Variants in CNOT10 observed in about 807,000 individuals in gnomAD.
CNOT10 encodes the protein CCR4-NOT transcription complex, subunit 10.
CNOT10 carries 30 observed loss-of-function variants against 94.6 expected under a neutral mutation model. The ratio of observed to expected loss-of-function variants is 0.32; its 90% CI spans 0.24 to 0.43. The LOEUF (loss-of-function observed/expected upper bound fraction) is 0.43. Ranked by LOEUF, CNOT10 falls within the 20% of genes least tolerant of loss-of-function variation. The pLI is 1.00. For missense variants in CNOT10, 759 were observed against 877.2 expected (o/e 0.87, Z 1.70); for synonymous variants, 289 against 301.6 (o/e 0.96, Z 0.43).
intron 7 of CNOT10, among the ~76,000 whole-genome samples, chr3:32,717,939 A>T (rs1015724527): frequency 6.6e-6 from 1 of 152,166 alleles, no homozygotes; most frequent in Non-Finnish European, 1.5e-5. Flanking sequence ...TGCCCCTTCC[A>T]AGTGACTTTT....
intron 13 of CNOT10, among the ~76,000 whole-genome samples, chr3:32,759,118 CTA>C (rs1305440844): frequency 3.7e-5 from 4 of 108,298 alleles, no homozygotes. Context: ...TCTCATTAGG[CTA>C]TATATATATA....
At chr3:32,686,112 T>G (rs1696589677) in intron 1 of CNOT10, among the ~76,000 whole-genome samples, 1 of 152,304 alleles carries the variant, frequency 6.6e-6, no homozygotes, top group East Asian at 1.9e-4. Context: ...AATCTTGCAT[T>G]TGGTACTTAA....
At chr3:32,764,525 G>A (rs1394385860) in intron 16 of CNOT10, 35 bp downstream of exon 16, 3 of 1,609,064 alleles carry the variant, frequency 1.9e-6, no homozygotes, top group Admixed American at 3.4e-5. Context: ...TAAGTAGCCT[G>A]GCCTGCATCC....
At chr3:32,686,748 G>C (rs1224611071) in intron 1 of CNOT10, among the ~76,000 whole-genome samples, 1 of 152,202 alleles carries the variant, frequency 6.6e-6, no homozygotes, top group Non-Finnish European at 1.5e-5. Context: ...AATAGTGTCT[G>C]TGTTCCCCAC....
intron 17 of CNOT10, among the ~76,000 whole-genome samples, chr3:32,767,323 A>G (rs1431216841): frequency 6.6e-6 from 1 of 152,244 alleles, no homozygotes; most frequent in Admixed American, 6.5e-5. Context: ...GTTCGAGACC[A>G]GCCTTACCAA....
At chr3:32,689,635 C>T (rs1476307835) in intron 1 of CNOT10, among the ~76,000 whole-genome samples, 1 of 152,128 alleles carries the variant, frequency 6.6e-6, no homozygotes, top group Non-Finnish European at 1.5e-5. Flanking sequence ...TGTGTTCTAG[C>T]TCTAGTCCCT....
At chr3:32,687,330 C>T (rs1696645499) in intron 1 of CNOT10, among the ~76,000 whole-genome samples, 1 of 151,492 alleles carries the variant, frequency 6.6e-6, no homozygotes, top group Non-Finnish European at 1.5e-5. Context: ...TGAATCCTGT[C>T]ATTCCCCTTC....
chr3:32,758,087 A>G (rs905550291), intron 13 of CNOT10, among the ~76,000 whole-genome samples: 3 of 152,152 alleles, frequency 2.0e-5, no homozygotes, highest in Non-Finnish European at 2.9e-5. Flanking sequence ...TAAAGAAGCA[A>G]TGTGATTGGA....
At chr3:32,725,923 T>G (rs1698644123) in intron 9 of CNOT10, among the ~76,000 whole-genome samples, 1 of 111,988 alleles carries the variant, frequency 8.9e-6, no homozygotes, top group African/African-American at 3.7e-5. Flanking sequence ...ACTAGGTTTA[T>G]TATAGTTTTG....
At chr3:32,697,804 A>C (rs1196992722) in intron 1 of CNOT10, among the ~76,000 whole-genome samples, 3 of 152,236 alleles carry the variant, frequency 2.0e-5, no homozygotes, top group African/African-American at 7.2e-5. Context: ...GCTTTAGAGA[A>C]AACTCAATAG....
intron 1 of CNOT10, among the ~76,000 whole-genome samples, chr3:32,689,491 G>A (rs1696765054): frequency 6.6e-6 from 1 of 152,204 alleles, no homozygotes; most frequent in Non-Finnish European, 1.5e-5. Flanking sequence ...GCTGTGTTGG[G>A]AAGAATGATC....
chr3:32,731,322 C>T (rs944308008), intron 10 of CNOT10, among the ~76,000 whole-genome samples: 2 of 152,054 alleles, frequency 1.3e-5, no homozygotes, highest in Non-Finnish European at 2.9e-5. Context: ...AGTACAGAAA[C>T]ATTTGTGTTT....
chr3:32,759,132 T>A (rs201443493), intron 13 of CNOT10, among the ~76,000 whole-genome samples: 343 of 6,080 alleles, frequency 0.056, 1 homozygote, highest in Non-Finnish European at 0.09. Flanking sequence ...ATATATATAG[T>A]GTGTGTGTGT....
At chr3:32,727,930 G>A (rs1439061123) in intron 10 of CNOT10, 60 bp downstream of exon 10, 5 of 1,061,122 alleles carry the variant, frequency 4.7e-6, no homozygotes, top group South Asian at 1.6e-5. Flanking sequence ...TACATGGAAT[G>A]GTTAAAAAAA....
chr3:32,768,591 A>G (rs1474613159), intron 17 of CNOT10, among the ~76,000 whole-genome samples: 1 of 152,126 alleles, frequency 6.6e-6, no homozygotes, highest in African/African-American at 2.4e-5. Context: ...CTCAAAAAAA[A>G]AAAATCCACA....
intron 13 of CNOT10, among the ~76,000 whole-genome samples, chr3:32,755,306 T>C (rs1700174806): frequency 1.3e-5 from 2 of 149,726 alleles, no homozygotes; most frequent in South Asian, 4.2e-4. Context: ...TTTTCTTTTT[T>C]CTTTTTCTTT....
chr3:32,757,661 A>C (rs891453314), intron 13 of CNOT10, among the ~76,000 whole-genome samples: 1 of 152,222 alleles, frequency 6.6e-6, no homozygotes, highest in Non-Finnish European at 1.5e-5. Flanking sequence ...CAGTCTTGCC[A>C]CACAGACCTA....
intron 17 of CNOT10, among the ~76,000 whole-genome samples, chr3:32,767,931 C>T (rs537919937): frequency 4.6e-5 from 7 of 152,226 alleles, no homozygotes; most frequent in East Asian, 1.9e-4. Flanking sequence ...GCTGCTGCCA[C>T]GCTGGGAGAG....
At chr3:32,753,364 T>G in intron 13 of CNOT10, 1 of 1,316,814 alleles carries the variant, frequency 7.6e-7, no homozygotes, top group South Asian at 1.2e-5. Context: ...AAGTAGTCAT[T>G]ACACTTACGA....
Sources: gnomAD v4.1 joint callset for allele counts (sites outside exome capture counted in the v4.1 genomes callset) on GRCh38, gnomAD v4.1.1 for gene constraint, MANE v1.5 for transcripts, NCBI Gene and HGNC (gene_info 2026-07-23, HGNC 2026-07-21) for gene names.